TENM2: variants seen among roughly 807,000 people sequenced by gnomAD.
TENM2 encodes teneurin transmembrane protein 2, also known as teneurin-2.
In TENM2, 52 loss-of-function variants were observed where a neutral mutation model predicts 245.2. That is an observed-to-expected ratio of 0.21 (90% CI 0.17 to 0.27). TENM2 has a LOEUF of 0.27. TENM2 is among the 10% of genes least tolerant of loss of function. The probability of loss-of-function intolerance (pLI) is 1.00; values close to 1 mark genes in which losing one functional copy is unlikely to be tolerated. For synonymous variants in TENM2, 1,363 were observed against 1,438.9 expected (o/e 0.95, Z 1.19); for missense variants, 3,046 against 3,666.8 (o/e 0.83, Z 4.37).
At chr5:167,750,876 C>T (rs1004848878) in intron 2 of TENM2, among the ~76,000 whole-genome samples, 6 of 152,140 alleles carry the variant, frequency 3.9e-5, no homozygotes, top group African/African-American at 1.4e-4. Context: ...GCCATTATAT[C>T]ATATTCCACC....
rs1164530812 is a variant in TENM2, at chr5:168,236,981, TATATATATATATATATATA to T, written c.5521-7438_5521-7420del. Among the ~76,000 whole-genome samples the T allele has an allele frequency of 5.5e-3, 33 of 6,024 alleles. 1 individual carries two copies. Among genetic ancestry groups the T allele is most frequent in the African/African-American group, 0.011 (15 of 1,394 alleles). 4.0% of individuals were successfully genotyped at this position (6,024 alleles called of 152,430 possible). A position where few individuals can be genotyped will look rare whatever the true frequency, so the allele number is the denominator to read the frequency against. On this transcript the variant is annotated intron_variant, in intron 25 of 28. Transcript: ENST00000518659. ...ATATATATATATATATATATATATA[TATATATATATATATATATA>T]TTTTTTTTTTTTTTTTTTTTTTTTT...
At chr5:167,484,891 C>G (rs750141269) in intron 2 of TENM2, among the ~76,000 whole-genome samples, 1 of 152,262 alleles carries the variant, frequency 6.6e-6, no homozygotes, top group Non-Finnish European at 1.5e-5. Context: ...CTAAGTGGAC[C>G]AACTTGTCTT....
At chr5:167,016,280 AC>A in the TENM2 span, among the ~76,000 whole-genome samples, 469 of 85,576 alleles carry the variant, frequency 5.5e-3, 3 homozygotes, top group Non-Finnish European at 8.2e-3. Flanking sequence ...AAACAAACAA[AC>A]AAAAAAAAAA....
chr5:167,534,489 T>G (rs569991120), intron 2 of TENM2, among the ~76,000 whole-genome samples: 1 of 152,214 alleles, frequency 6.6e-6, no homozygotes. Context: ...ACAAGTAATC[T>G]TTTTTAGCAT....
intron 14 of TENM2, among the ~76,000 whole-genome samples, chr5:168,191,401 A>G (rs1052187571): frequency 2.6e-5 from 4 of 152,134 alleles, no homozygotes. Context: ...TGGCTTGGCC[A>G]TGCTTGATCT....
intron 3 of TENM2, among the ~76,000 whole-genome samples, chr5:167,879,101 A>G (rs575020265): frequency 6.6e-6 from 1 of 152,320 alleles, no homozygotes; most frequent in East Asian, 1.9e-4. Flanking sequence ...TTCTATAGAA[A>G]CAAATGGGAC....
chr5:167,275,084 G>T, the TENM2 span, among the ~76,000 whole-genome samples: 1 of 151,418 alleles, frequency 6.6e-6, no homozygotes, highest in African/African-American at 2.4e-5. Context: ...TTTCCCTGTG[G>T]GTGTTCAATT....
At position 167,848,833 on chromosome 5, in the gene TENM2, C is replaced by A. The variant is rs1052823432; in HGVS notation, c.503-27153C>A. ...CTAAACGTCTTCCCCACTTCTACCCCTTTCCCAACCCCCTGCTACGGGTGA... is the reference window on the plus strand; with the variant it reads ...CTAAACGTCTTCCCCACTTCTACCCATTTCCCAACCCCCTGCTACGGGTGA... On this transcript the variant is annotated intron_variant, in intron 2 of 28. Coordinates refer to ENST00000518659, the Ensembl canonical transcript of TENM2. 4.8e-4 allele frequency among the ~76,000 whole-genome samples: 73 copies of A among 152,176 alleles called. 1 individual carries two copies. Among genetic ancestry groups the A allele is most frequent in the Non-Finnish European group, 3.5e-4 (24 of 68,028 alleles).
chr5:168,178,326 C>G (rs1581546751), intron 13 of TENM2, among the ~76,000 whole-genome samples: 1 of 152,274 alleles, frequency 6.6e-6, no homozygotes, highest in East Asian at 1.9e-4. Flanking sequence ...TGATGAGGAA[C>G]AGAGCAGGGT....
At chr5:167,920,301 G>A (rs1583369526) in intron 3 of TENM2, among the ~76,000 whole-genome samples, 1 of 149,236 alleles carries the variant, frequency 6.7e-6, no homozygotes, top group African/African-American at 2.5e-5. Context: ...CGACCAGCCT[G>A]GCCAACATGA....
the TENM2 span, among the ~76,000 whole-genome samples, chr5:167,190,220 G>A: frequency 1.3e-5 from 2 of 152,088 alleles, no homozygotes; most frequent in Non-Finnish European, 2.9e-5. Flanking sequence ...GGTTTCCCCA[G>A]TCTAATGTAC....
At chr5:167,862,834 G>A (rs1419798753) in intron 2 of TENM2, among the ~76,000 whole-genome samples, 6 of 152,220 alleles carry the variant, frequency 3.9e-5, no homozygotes, top group East Asian at 1.9e-4. Flanking sequence ...CGACCCAATT[G>A]TTGATCTCCA....
At chr5:167,386,307 A>G (rs542158517) in intron 2 of TENM2, among the ~76,000 whole-genome samples, 36 of 152,236 alleles carry the variant, frequency 2.4e-4, no homozygotes, top group Non-Finnish European at 4.6e-4. Flanking sequence ...GGCCATTTGT[A>G]TATCTTCTTT....
intron 2 of TENM2, among the ~76,000 whole-genome samples, chr5:167,504,114 G>A (rs1224579538): frequency 6.6e-6 from 1 of 152,096 alleles, no homozygotes; most frequent in African/African-American, 2.4e-5. Flanking sequence ...ATATGGAACA[G>A]ATGCAGTTTT....
At chr5:167,151,132 T>G in the TENM2 span, among the ~76,000 whole-genome samples, 1 of 152,214 alleles carries the variant, frequency 6.6e-6, no homozygotes. Flanking sequence ...TGCCAAATCT[T>G]TTATTCTTAG....
At chr5:167,202,155 T>C in the TENM2 span, among the ~76,000 whole-genome samples, 1 of 152,204 alleles carries the variant, frequency 6.6e-6, no homozygotes, top group South Asian at 2.1e-4. Context: ...AACAATTCTC[T>C]TAAAAATTTC....
chr5:167,947,467 G>A (rs1267820098), intron 3 of TENM2, among the ~76,000 whole-genome samples: 2 of 152,078 alleles, frequency 1.3e-5, no homozygotes, highest in Admixed American at 6.5e-5. Flanking sequence ...CACACATCTG[G>A]TCAGTGGCCA....
intron 4 of TENM2, among the ~76,000 whole-genome samples, chr5:167,961,351 A>G (rs571764968): frequency 6.6e-6 from 1 of 152,348 alleles, no homozygotes; most frequent in South Asian, 2.1e-4. Flanking sequence ...GTCAAAGTTG[A>G]TGGTGGTCTT....
At chr5:167,621,803 A>G (rs889139229) in intron 2 of TENM2, among the ~76,000 whole-genome samples, 2 of 152,190 alleles carry the variant, frequency 1.3e-5, no homozygotes, top group Non-Finnish European at 2.9e-5. Flanking sequence ...TTTAGGGACA[A>G]TTATTTAAAA....
Sources: gnomAD v4.1 joint callset for allele counts (sites outside exome capture counted in the v4.1 genomes callset) on GRCh38, gnomAD v4.1.1 for gene constraint, MANE v1.5 for transcripts, NCBI Gene and HGNC (gene_info 2026-07-23, HGNC 2026-07-21) for gene names.